Variants in LRRTM4 observed in about 807,000 individuals in gnomAD.
LRRTM4 encodes the protein leucine-rich repeat transmembrane neuronal protein 4.
In LRRTM4, 25 loss-of-function variants were observed where a neutral mutation model predicts 47.6. The ratio of observed to expected loss-of-function variants is 0.53; its 90% CI spans 0.38 to 0.73. The LOEUF is 0.73. Among genes scored for constraint, LRRTM4 ranks in the 30% least tolerant of loss-of-function variants. The probability of loss-of-function intolerance (pLI) is 0.00; values close to 1 mark genes in which losing one functional copy is unlikely to be tolerated. For synonymous variants in LRRTM4, 311 were observed against 269.5 expected, an observed-to-expected ratio of 1.15 and a Z score of -1.51; for missense variants, 638 against 713.4, an observed-to-expected ratio of 0.89 and a Z score of 1.20.
At chr2:77,048,744 T>C (rs1377665768) in intron 3 of LRRTM4, among the ~76,000 whole-genome samples, 1 of 151,910 alleles carries the variant, frequency 6.6e-6, no homozygotes, top group African/African-American at 2.4e-5. Context: ...ATATCTATCA[T>C]CTCATTTATT....
chr2:76,851,562 A>G (rs1453940360), intron 3 of LRRTM4, among the ~76,000 whole-genome samples: 1 of 147,336 alleles, frequency 6.8e-6, no homozygotes, highest in Non-Finnish European at 1.5e-5. Flanking sequence ...AGGCTTAGAA[A>G]TCATGGAGAC....
intron 3 of LRRTM4, among the ~76,000 whole-genome samples, chr2:77,379,746 G>A (rs1211891738): frequency 1.3e-5 from 2 of 151,908 alleles, no homozygotes; most frequent in Non-Finnish European, 2.9e-5. Context: ...TTCAATGGTA[G>A]TTCATTTAGA....
chr2:77,083,856 G>A (rs529609939), intron 3 of LRRTM4, among the ~76,000 whole-genome samples: 71 of 128,698 alleles, frequency 5.5e-4, no homozygotes, highest in African/African-American at 2.0e-3. Flanking sequence ...CCAGGCTGGA[G>A]TGCAATGGTG....
At chr2:77,099,957 T>C (rs980687423) in intron 3 of LRRTM4, among the ~76,000 whole-genome samples, 4 of 152,226 alleles carry the variant, frequency 2.6e-5, no homozygotes, top group Non-Finnish European at 4.4e-5. Flanking sequence ...AAAAACAAAG[T>C]ATTAATAACA....
At chr2:76,988,387 CTGA>C (rs1172030989) in intron 3 of LRRTM4, among the ~76,000 whole-genome samples, 1 of 151,802 alleles carries the variant, frequency 6.6e-6, no homozygotes, top group Non-Finnish European at 1.5e-5. Context: ...ATTGAGGTGG[CTGA>C]TGATGATAAT....
At chr2:77,142,688 A>C (rs1672155813) in intron 3 of LRRTM4, among the ~76,000 whole-genome samples, 1 of 152,182 alleles carries the variant, frequency 6.6e-6, no homozygotes, top group African/African-American at 2.4e-5. Context: ...CTTTTACAAA[A>C]ATCAGGAAAA....
chr2:76,912,933 A>G (rs1035432536), intron 3 of LRRTM4, among the ~76,000 whole-genome samples: 6 of 152,202 alleles, frequency 3.9e-5, no homozygotes, highest in African/African-American at 1.4e-4. Context: ...TACAGCCTGC[A>G]GAACTATCAG....
intron 3 of LRRTM4, among the ~76,000 whole-genome samples, chr2:77,422,573 A>C (rs1674943605): frequency 6.6e-6 from 1 of 152,232 alleles, no homozygotes; most frequent in Admixed American, 6.5e-5. Flanking sequence ...TTATTGATAT[A>C]ATAAGCAGAA....
chr2:77,122,521 A>G (rs1671546935), intron 3 of LRRTM4, among the ~76,000 whole-genome samples: 1 of 150,414 alleles, frequency 6.6e-6, no homozygotes, highest in Admixed American at 6.7e-5. Flanking sequence ...TATATATAAT[A>G]TATATACACA....
At chr2:77,431,383 C>T (rs76276531) in intron 3 of LRRTM4, among the ~76,000 whole-genome samples, 8,790 of 148,708 alleles carry the variant, frequency 0.059, 476 homozygotes, top group South Asian at 0.17. Context: ...ATGCTCATAA[C>T]CTGATCACAT....
chr2:76,810,150 T>G (rs1210574909), intron 3 of LRRTM4, among the ~76,000 whole-genome samples: 1 of 152,210 alleles, frequency 6.6e-6, no homozygotes, highest in Non-Finnish European at 1.5e-5. Flanking sequence ...ATTCCCAACA[T>G]CTTGAAAATG....
rs6742603 is a variant in LRRTM4, at chr2:77,000,828, T to C, written c.1552-251912A>G. The stretch of plus-strand genomic sequence containing the variant: ...TTTTTTCTTCTTTTCCTGAAATCAA[T>C]CCCTGAGCCTCCATGGTGGCTGTGG... On this transcript the variant is annotated intron_variant, in intron 3 of 3. Coordinates refer to ENST00000409884, the MANE Select transcript of LRRTM4 (RefSeq NM_001134745.3). Among the ~76,000 whole-genome samples the C allele has an allele frequency of 3.6e-3, 553 of 152,230 alleles. 1 individual carries two copies. Among genetic ancestry groups the C allele is most frequent in the African/African-American group, 0.013 (528 of 41,554 alleles).
At chr2:76,838,527 T>A (rs889294235) in intron 3 of LRRTM4, among the ~76,000 whole-genome samples, 38 of 152,190 alleles carry the variant, frequency 2.5e-4, no homozygotes, top group Admixed American at 1.7e-3. Context: ...ATCTCAAATG[T>A]CTTTGTAATT....
chr2:77,369,599 T>A (rs988088688), intron 3 of LRRTM4, among the ~76,000 whole-genome samples: 3 of 151,780 alleles, frequency 2.0e-5, no homozygotes, highest in African/African-American at 7.2e-5. Flanking sequence ...TGTTCCACTA[T>A]AGAAGCCATT....
At chr2:76,978,372 G>A (rs1204821936) in intron 3 of LRRTM4, among the ~76,000 whole-genome samples, 3 of 152,062 alleles carry the variant, frequency 2.0e-5, no homozygotes, top group Non-Finnish European at 2.9e-5. Flanking sequence ...TTATTGCTTA[G>A]TTATGTTAGT....
chr2:76,764,548 A>T (rs1451417676), intron 3 of LRRTM4, among the ~76,000 whole-genome samples: 1 of 152,078 alleles, frequency 6.6e-6, no homozygotes, highest in Non-Finnish European at 1.5e-5. Context: ...GGAGACTGGC[A>T]TGAACCCGGG....
chr2:76,797,526 G>A (rs190763851), intron 3 of LRRTM4, among the ~76,000 whole-genome samples: 244 of 151,956 alleles, frequency 1.6e-3, no homozygotes, highest in Admixed American at 3.2e-3. Flanking sequence ...AAAATGTAAA[G>A]ACCATCGAGA....
chr2:77,158,275 T>C (rs1228457305), intron 3 of LRRTM4, among the ~76,000 whole-genome samples: 1 of 152,186 alleles, frequency 6.6e-6, no homozygotes, highest in Non-Finnish European at 1.5e-5. Flanking sequence ...TCAAAAAATA[T>C]AGAGATTTAA....
intron 3 of LRRTM4, among the ~76,000 whole-genome samples, chr2:76,808,239 C>T (rs527370180): frequency 6.6e-6 from 1 of 151,958 alleles, no homozygotes; most frequent in Non-Finnish European, 1.5e-5. Context: ...AGGCTGGTCT[C>T]GAACTCCTGA....
Sources: allele counts gnomAD v4.1 joint callset (sites outside exome capture counted in the v4.1 genomes callset), GRCh38; gene constraint gnomAD v4.1.1; transcripts MANE v1.5; gene names NCBI Gene and HGNC (gene_info 2026-07-23, HGNC 2026-07-21).